Variants in OVCH1 observed in about 807,000 individuals in gnomAD.
OVCH1 encodes the protein ovochymase 1.
Under a neutral mutation model 138.4 loss-of-function variants are expected in OVCH1, and 139 were observed. The observed-to-expected ratio is 1.00, with a 90% confidence interval of 0.87 to 1.16. OVCH1 has a LOEUF of 1.16. OVCH1 is among the 50% of genes most tolerant of loss of function. The pLI is 0.00. For missense variants in OVCH1, 1,367 were observed against 1,357.9 expected, an observed-to-expected ratio of 1.01 and a Z score of -0.11; for synonymous variants, 453 against 467.8, an observed-to-expected ratio of 0.97 and a Z score of 0.41.
At chr12:29,488,759 A>G (rs1055721642) in intron 6 of OVCH1, among the ~76,000 whole-genome samples, 41 of 152,172 alleles carry the variant, frequency 2.7e-4, no homozygotes, top group Admixed American at 2.4e-3. Context: ...GTTTCAGACA[A>G]CATTGTGTCA....
At chr12:29,423,066 G>A (rs1941127062), downstream of OVCH1, 1 of 348,556 alleles carries the variant, frequency 2.9e-6, no homozygotes, top group Admixed American at 4.0e-5. Flanking sequence ...ATGGGCTGCA[G>A]GTTCTACTTC....
At chr12:29,465,288 A>G in intron 16 of OVCH1, 69 bp from the exon 17 acceptor site, 1 of 1,293,562 alleles carries the variant, frequency 7.7e-7, no homozygotes, top group Admixed American at 2.4e-5. Context: ...TCACACTGCT[A>G]TAAAGGACTC....
At chr12:29,451,727 A>T (rs1261936902) in intron 21 of OVCH1, among the ~76,000 whole-genome samples, 158 bp from the exon 22 acceptor site, 1 of 152,180 alleles carries the variant, frequency 6.6e-6, no homozygotes, top group Non-Finnish European at 1.5e-5. Flanking sequence ...CATTCTATTT[A>T]ATGTGTCTTA....
At chr12:29,472,086 T>TA (rs1942532111) in intron 15 of OVCH1, 104 bp from the exon 16 acceptor site, 1 of 1,175,238 alleles carries the variant, frequency 8.5e-7, no homozygotes, top group South Asian at 1.7e-5. Flanking sequence ...AAACATCAGA[T>TA]AGGCTTTATA....
the OVCH1 span, among the ~76,000 whole-genome samples, chr12:29,405,034 AAAAAAAAAAAAAAAAAAAAAAAC>A: frequency 1.4e-5 from 2 of 144,142 alleles, no homozygotes; most frequent in East Asian, 4.0e-4. Flanking sequence ...AAAAAAAAAA[AAAAAAAAAAAAAAAAAAAAAAAC>A]AAAAGAAATG....
At chr12:29,424,331 G>T (rs1257997729), downstream of OVCH1, among the ~76,000 whole-genome samples, 2 of 152,208 alleles carry the variant, frequency 1.3e-5, no homozygotes, top group Non-Finnish European at 2.9e-5. Flanking sequence ...TGGGCCAGGT[G>T]TTCCTTGCCC....
chr12:29,458,319 A>C (rs1942021100), intron 19 of OVCH1, among the ~76,000 whole-genome samples: 1 of 149,550 alleles, frequency 6.7e-6, no homozygotes, highest in Admixed American at 6.6e-5. Flanking sequence ...AGAATAGAAA[A>C]CCCAGAAAAA....
chr12:29,496,156 C>G, intron 3 of OVCH1, 25 bp downstream of exon 3: 1 of 1,564,718 alleles, frequency 6.4e-7, no homozygotes, highest in South Asian at 1.2e-5. Flanking sequence ...CAAGGCCTGA[C>G]AAGTAATGGA....
chr12:29,463,562 T>C (rs1942211876), intron 18 of OVCH1, among the ~76,000 whole-genome samples: 1 of 152,164 alleles, frequency 6.6e-6, no homozygotes, highest in Non-Finnish European at 1.5e-5. Context: ...TCAGATTTGA[T>C]TGTATGTGTA....
intron 19 of OVCH1, among the ~76,000 whole-genome samples, chr12:29,457,694 C>T (rs1406836244): frequency 6.6e-6 from 1 of 152,030 alleles, no homozygotes; most frequent in African/African-American, 2.4e-5. Context: ...TGAGCCACTG[C>T]ACCTGGCCAC....
intron 13 of OVCH1, among the ~76,000 whole-genome samples, 164 bp downstream of exon 13, chr12:29,476,042 G>A (rs77048810): frequency 6.6e-6 from 1 of 152,142 alleles, no homozygotes; most frequent in Non-Finnish European, 1.5e-5. Flanking sequence ...CGAATTAGTT[G>A]CTGGCTCATA....
chr12:29,468,765 G>T (rs537500050), intron 16 of OVCH1, among the ~76,000 whole-genome samples: 1 of 152,232 alleles, frequency 6.6e-6, no homozygotes, highest in African/African-American at 2.4e-5. Context: ...TTAGCTTGAT[G>T]TAGATACAGA....
intron 3 of OVCH1, among the ~76,000 whole-genome samples, chr12:29,413,832 CTT>C (rs1475475707): frequency 2.0e-5 from 3 of 152,046 alleles, no homozygotes; most frequent in African/African-American, 4.8e-5. Flanking sequence ...TGTATAAACT[CTT>C]TGAAGTATAA....
chr12:29,491,043 C>T (rs886395240), intron 5 of OVCH1, 54 bp downstream of exon 5: 16 of 1,427,212 alleles, frequency 1.1e-5, no homozygotes, highest in Admixed American at 1.7e-5. Context: ...TTTCTGCTTC[C>T]CCTGGACATA....
intron 16 of OVCH1, among the ~76,000 whole-genome samples, chr12:29,467,498 T>A (rs1942361315): frequency 6.6e-6 from 1 of 152,146 alleles, no homozygotes; most frequent in Admixed American, 6.6e-5. Context: ...CTCTCCCATA[T>A]AAAATTTCAT....
chr12:29,493,874 G>A (rs762302570), intron 4 of OVCH1, among the ~76,000 whole-genome samples: 4 of 152,088 alleles, frequency 2.6e-5, no homozygotes, highest in Non-Finnish European at 5.9e-5. Context: ...ATGTTTCTGT[G>A]CTCGAATTCA....
intron 16 of OVCH1, among the ~76,000 whole-genome samples, chr12:29,469,365 G>T (rs1451251894): frequency 6.6e-6 from 1 of 152,044 alleles, no homozygotes; most frequent in Non-Finnish European, 1.5e-5. Flanking sequence ...ACATAGGGAT[G>T]TTCTACAAAA....
chr12:29,442,642 TA>T (rs547323331), intron 25 of OVCH1, among the ~76,000 whole-genome samples: 3 of 150,772 alleles, frequency 2.0e-5, no homozygotes, highest in African/African-American at 4.9e-5. Context: ...TAAAAAAAAA[TA>T]AAAAAAAGAA....
chr12:29,447,217 AG>A (rs1345323841), intron 22 of OVCH1, among the ~76,000 whole-genome samples: 1 of 152,144 alleles, frequency 6.6e-6, no homozygotes, highest in Non-Finnish European at 1.5e-5. Context: ...GGAATTTGGG[AG>A]GCTGAACTAG....
Sources: gnomAD v4.1 joint callset for allele counts (sites outside exome capture counted in the v4.1 genomes callset) on GRCh38, gnomAD v4.1.1 for gene constraint, MANE v1.5 for transcripts, NCBI Gene and HGNC (gene_info 2026-07-23, HGNC 2026-07-21) for gene names.